Variants in ADGRV1 observed in about 807,000 individuals in gnomAD.
ADGRV1 encodes adhesion G protein-coupled receptor V1.
ADGRV1 carries 359 observed loss-of-function variants against 596.2 expected under a neutral mutation model. The observed-to-expected ratio is 0.60, with a 90% CI of 0.55 to 0.66. ADGRV1 has a LOEUF of 0.66. Among genes scored for constraint, ADGRV1 ranks in the 30% least tolerant of loss-of-function variants. The pLI is 0.00. For synonymous variants in ADGRV1, 2,681 were observed against 2,679.2 expected (o/e 1.00, Z -0.02); for missense variants, 7,274 against 7,575.6 (o/e 0.96, Z 1.48).
At chr5:91,030,266 T>G in intron 85 of ADGRV1, among the ~76,000 whole-genome samples, 1 of 152,164 alleles carries the variant, frequency 6.6e-6, no homozygotes, top group East Asian at 1.9e-4. Context: ...ACTCTTGGAT[T>G]CAAATTATTA....
chr5:90,972,833 A>G (rs139970668), intron 84 of ADGRV1, among the ~76,000 whole-genome samples: 4,214 of 152,148 alleles, frequency 0.028, 174 homozygotes, highest in African/African-American at 0.095. Context: ...CTAGCAGAAG[A>G]CAAGAAATAA....
chr5:91,080,149 A>T (rs1789216522), intron 86 of ADGRV1, among the ~76,000 whole-genome samples: 1 of 152,120 alleles, frequency 6.6e-6, no homozygotes, highest in Admixed American at 6.6e-5. Flanking sequence ...GGTATTTGGG[A>T]TGTCCATCAC....
intron 83 of ADGRV1, among the ~76,000 whole-genome samples, chr5:90,950,333 T>A (rs1223049701): frequency 6.6e-6 from 1 of 152,154 alleles, no homozygotes; most frequent in Admixed American, 6.5e-5. Context: ...TTTATTTATT[T>A]ATTTTTGAGA....
chr5:90,607,490 AT>A (rs1283165204), intron 1 of ADGRV1, among the ~76,000 whole-genome samples: 2 of 152,152 alleles, frequency 1.3e-5, no homozygotes, highest in African/African-American at 4.8e-5. Context: ...GGATCCCTAA[AT>A]AAAACAGGGG....
At chr5:90,593,277 A>G (rs1208800954) in intron 1 of ADGRV1, among the ~76,000 whole-genome samples, 2 of 152,222 alleles carry the variant, frequency 1.3e-5, no homozygotes, top group Non-Finnish European at 2.9e-5. Context: ...AGCCATAAAA[A>G]AGGATGAGTT....
intron 59 of ADGRV1, among the ~76,000 whole-genome samples, chr5:90,772,069 G>A (rs1314730451): frequency 2.0e-5 from 3 of 152,064 alleles, no homozygotes; most frequent in South Asian, 2.1e-4. Context: ...GATATGAAGA[G>A]CTGCCTTACA....
intron 89 of ADGRV1, among the ~76,000 whole-genome samples, chr5:91,153,923 C>T (rs1171599857): frequency 6.6e-6 from 1 of 152,130 alleles, no homozygotes; most frequent in Non-Finnish European, 1.5e-5. Context: ...GAAAACAGTC[C>T]AAGAGGTCCC....
chr5:91,114,978 T>G (rs1792724294), intron 87 of ADGRV1, among the ~76,000 whole-genome samples: 1 of 152,146 alleles, frequency 6.6e-6, no homozygotes, highest in Non-Finnish European at 1.5e-5. Flanking sequence ...CTGTTCAGCT[T>G]CTAGGCATCT....
At position 90,753,658 on chromosome 5, in the gene ADGRV1, A is replaced by C. The variant is rs374344462; in HGVS notation, c.11206A>C (p.Ile3736Leu). The change falls in exon 54 of 90, where the codon ATT becomes CTT. Residue 3736 changes from isoleucine (I) to leucine (L), a missense_variant. This residue lies in a region of ADGRV1 where 3,643 missense variants were observed against 3,809.2 expected (regional missense o/e 0.96). Transcript: ENST00000405460. ...TATACCAGAGTTATCAGAGGTTGTG[A>C]TTGTAACCCTCACCCGTATCACCAC... ...DNIPELSEVV[I>L]VTLTRITTEG... 97 of 1,613,572 alleles carry C rather than the reference A, an allele frequency of 6.0e-5. No individual in the cohort carries two copies. The highest frequency in any genetic ancestry group is 8.1e-5 in the Non-Finnish European group (95 of 1,179,678).
chr5:90,746,741 A>T (rs1419897734), intron 52 of ADGRV1, among the ~76,000 whole-genome samples: 1 of 152,200 alleles, frequency 6.6e-6, no homozygotes, highest in African/African-American at 2.4e-5. Flanking sequence ...AGTAAAGAAG[A>T]CATTTCCCAA....
chr5:90,831,233 C>CTATA (rs1383797088), intron 77 of ADGRV1, among the ~76,000 whole-genome samples: 4 of 149,684 alleles, frequency 2.7e-5, no homozygotes, highest in African/African-American at 5.0e-5. Context: ...CTCTCTCTCT[C>CTATA]TCTATATATA....
chr5:90,903,923 C>T (rs185881950), intron 83 of ADGRV1, among the ~76,000 whole-genome samples: 1 of 152,048 alleles, frequency 6.6e-6, no homozygotes, highest in East Asian at 1.9e-4. Context: ...CCCAACTACC[C>T]TTCTCAGCCT....
intron 85 of ADGRV1, among the ~76,000 whole-genome samples, chr5:91,046,374 AC>A (rs1785810825): frequency 6.6e-6 from 1 of 152,118 alleles, no homozygotes. Context: ...AATACAGCCA[AC>A]TGATCTGTGA....
At chr5:90,642,607 G>T (rs1373203408) in intron 11 of ADGRV1, 29 bp from the exon 12 acceptor site, 1 of 1,603,856 alleles carries the variant, frequency 6.2e-7, no homozygotes, top group Admixed American at 1.7e-5. Context: ...GGAAGTAGCG[G>T]GTGCCATTTG....
chr5:90,578,058 A>G (rs1287990633), intron 1 of ADGRV1, among the ~76,000 whole-genome samples: 1 of 152,228 alleles, frequency 6.6e-6, no homozygotes, highest in Admixed American at 6.5e-5. Flanking sequence ...TCATCTGCAA[A>G]CAGAGACAAT....
chr5:90,776,355 C>A lies in ADGRV1; in HGVS notation c.12404-98C>A, dbSNP rs554475301. The A allele has an allele frequency of 6.3e-6, 7 of 1,114,244 alleles. No homozygotes were observed. The African/African-American group carries it at 1.1e-4, about 17-fold the overall frequency. The allele number at this position is 1,114,244 out of a possible 1,614,324, so 69.0% of individuals were successfully genotyped here. A position where few individuals can be genotyped will look rare whatever the true frequency, so the allele number is the denominator to read the frequency against. ...CTGATATGAGAGTCATGAGAATGAACTAGATTCCTGTGTGTAAAGTGCTTA... is the reference window on the plus strand; with the variant it reads ...CTGATATGAGAGTCATGAGAATGAAATAGATTCCTGTGTGTAAAGTGCTTA... On this transcript the variant is annotated intron_variant, in intron 60 of 89. Transcript: ENST00000405460.
chr5:91,091,286 G>A (rs1790363396), intron 86 of ADGRV1, among the ~76,000 whole-genome samples: 1 of 152,130 alleles, frequency 6.6e-6, no homozygotes, highest in Admixed American at 6.5e-5. Flanking sequence ...CAGCCCAAAA[G>A]CAATTCTCTC....
chr5:90,644,978 T>G (rs1767529731), intron 15 of ADGRV1, 109 bp downstream of exon 15: 9 of 826,538 alleles, frequency 1.1e-5, no homozygotes, highest in Non-Finnish European at 1.6e-5. Context: ...AAGTTTGTAA[T>G]AAAGAACTCA....
chr5:90,781,133 C>G, intron 64 of ADGRV1: 1 of 393,962 alleles, frequency 2.5e-6, no homozygotes, highest in Non-Finnish European at 4.8e-6. Flanking sequence ...CATTTTATGA[C>G]AGCATCTTTC....
Sources: allele counts gnomAD v4.1 joint callset (sites outside exome capture counted in the v4.1 genomes callset), GRCh38; gene constraint gnomAD v4.1.1; regional missense constraint gnomAD v4.1.1; transcripts MANE v1.5; gene names NCBI Gene and HGNC (gene_info 2026-07-23, HGNC 2026-07-21).